The following RNF34 variants were observed in gnomAD, a reference collection of about 807,000 sequenced individuals.
RNF34 encodes E3 ubiquitin-protein ligase RNF34.
Under a neutral mutation model 37.9 loss-of-function variants are expected in RNF34, and 12 were observed. The ratio of observed to expected loss-of-function variants is 0.32; its 90% CI spans 0.20 to 0.51. RNF34 has a LOEUF of 0.51. Ranked by LOEUF, RNF34 falls within the 20% of genes least tolerant of loss-of-function variation. RNF34 has a pLI of 0.97. For synonymous variants in RNF34, 155 were observed against 177.2 expected (o/e 0.87, Z 1.00); for missense variants, 362 against 472.7 (o/e 0.77, Z 2.17).
In RNF34 at chr12:121,417,971, G is replaced by T; in HGVS notation, c.633+60G>T. ...GCACGCTTATTCTTGGCCGTATATGGTGGGGCCTTTAGTGCTTGATGACTT... is the reference window on the plus strand; with the variant it reads ...GCACGCTTATTCTTGGCCGTATATGTTGGGGCCTTTAGTGCTTGATGACTT... On this transcript the variant is annotated intron_variant, in intron 3 of 5. Transcript: ENST00000361234. The surrounding 1 kb of genome is among the most constrained non-coding windows in gnomAD (Gnocchi z 5.0). 6.5e-7 allele frequency: 1 copy of T among 1,533,350 alleles called. No individual in the cohort carries two copies. The highest frequency in any genetic ancestry group is 8.8e-7 in the Non-Finnish European group (1 of 1,130,124). 95.0% of individuals were successfully genotyped at this position (1,533,350 alleles called of 1,614,324 possible). A position where few individuals can be genotyped will look rare whatever the true frequency, so the allele number is the denominator to read the frequency against.
chr12:121,401,419 A>C (rs1215614685), intron 1 of RNF34, among the ~76,000 whole-genome samples: 1 of 150,464 alleles, frequency 6.6e-6, no homozygotes. Context: ...TTCTGGCTAC[A>C]GAAAGCAAGG....
At chr12:121,407,197 G>T (rs564636012) in intron 1 of RNF34, among the ~76,000 whole-genome samples, 1 of 152,318 alleles carries the variant, frequency 6.6e-6, no homozygotes, top group East Asian at 1.9e-4. Context: ...AGGTCCCCAA[G>T]TAGGTCATGA....
chr12:121,402,627 A>T, intron 1 of RNF34: 2 of 598,632 alleles, frequency 3.3e-6, no homozygotes, highest in African/African-American at 1.9e-5. Context: ...TTCCTTATTT[A>T]TATTGATCTC....
At position 121,423,382 on chromosome 12, in the gene RNF34, T is replaced by G. The variant is rs782574942; in HGVS notation, c.929-4T>G. ...CGAGGCCTTAGCTCTCTGTTGCCTT[T>G]CAGATGGCGAGCGGCTGCAGCTGCA... is the stretch of plus-strand genomic sequence containing the variant. On this transcript the variant is annotated splice_region_variant and splice_polypyrimidine_tract_variant and intron_variant, in intron 5 of 5. Transcript: ENST00000361234. This position sits in a 1 kb window ranked among gnomAD's most constrained non-coding sequence, Gnocchi z 4.3. 9 of 1,599,694 alleles carry G rather than the reference T, an allele frequency of 5.6e-6. No individual in the cohort carries two copies. The South Asian group carries it at 1.0e-4, about 18-fold the overall frequency.
chr12:121,401,564 G>A (rs2136888649), intron 1 of RNF34, among the ~76,000 whole-genome samples: 1 of 152,198 alleles, frequency 6.6e-6, no homozygotes, highest in East Asian at 1.9e-4. Flanking sequence ...TCTAGAAGTA[G>A]CTTTATTTCC....
chr12:121,414,379 C>T (rs1871367309), intron 1 of RNF34, among the ~76,000 whole-genome samples: 1 of 152,178 alleles, frequency 6.6e-6, no homozygotes, highest in African/African-American at 2.4e-5. Context: ...CTTTGGCCCT[C>T]GCTGAAAATT....
At chr12:121,407,637 T>C (rs1870672654) in intron 1 of RNF34, among the ~76,000 whole-genome samples, 1 of 152,258 alleles carries the variant, frequency 6.6e-6, no homozygotes, top group Non-Finnish European at 1.5e-5. Flanking sequence ...GCTTCAATCT[T>C]ACTATCAGTA....
intron 1 of RNF34, among the ~76,000 whole-genome samples, chr12:121,412,624 C>A (rs1192222250): frequency 6.6e-6 from 1 of 152,036 alleles, no homozygotes; most frequent in South Asian, 2.1e-4. Context: ...TGTGATCCAC[C>A]CGCCTTGGCC....
intron 5 of RNF34, among the ~76,000 whole-genome samples, chr12:121,421,126 T>C (rs1872088474): frequency 6.6e-6 from 1 of 152,102 alleles, no homozygotes; most frequent in Non-Finnish European, 1.5e-5. Context: ...ACCTTGGTTC[T>C]CTCAACTTTT....
chr12:121,423,844 G>A lies in RNF34; in HGVS notation c.*268G>A, dbSNP rs140213777. On this transcript the variant is annotated 3_prime_UTR_variant, in exon 6 of 6. Transcript: ENST00000361234. The surrounding 1 kb of genome is among the most constrained non-coding windows in gnomAD (Gnocchi z 4.3). ...CACTCATTGAAGTCAGCCTGTTTGC[G>A]CCATGTGGGCATCAGCCACTGCTGT... is the stretch of plus-strand genomic sequence containing the variant. The A allele has an allele frequency of 3.0e-4, 118 of 392,302 alleles. No homozygotes were observed. Among genetic ancestry groups the A allele is most frequent in the Non-Finnish European group, 4.8e-4 (103 of 215,032 alleles). The allele number at this position is 392,302 out of a possible 1,614,324, so 24.3% of individuals were successfully genotyped here.
chr12:121,420,243 T>C lies in RNF34; in HGVS notation c.635T>C (p.Val212Ala). 6.2e-7 allele frequency: 1 copy of C among 1,609,280 alleles called. No homozygotes were observed. The highest frequency in any genetic ancestry group is 8.5e-7 in the Non-Finnish European group (1 of 1,176,634). Residue 212 changes from valine to alanine, a missense_variant and splice_region_variant, in exon 4 of 6, where the codon GTA becomes GCA. Transcript: ENST00000361234. Reference sequence around the variant, plus strand: ...ATCAGATACGTTGTATAAGTGTAGGTACAAAGTGAAATCACTTCAGCAAAC... The same window carrying C: ...ATCAGATACGTTGTATAAGTGTAGGCACAAAGTGAAATCACTTCAGCAAAC... ...QTSRSGVPAQ[V>A]QSEITSANTE... is the part of the protein sequence containing the mutation.
At chr12:121,406,974 T>C (rs976720394) in intron 1 of RNF34, among the ~76,000 whole-genome samples, 2 of 152,216 alleles carry the variant, frequency 1.3e-5, no homozygotes, top group Admixed American at 6.5e-5. Flanking sequence ...CATGGGTATA[T>C]TGAGTGACGC....
chr12:121,417,989 G>T lies in RNF34; in HGVS notation c.633+78G>T. The T allele has an allele frequency of 7.1e-7, 1 of 1,407,484 alleles. No individual in the cohort carries two copies. The highest frequency in any genetic ancestry group is 9.7e-7 in the Non-Finnish European group (1 of 1,029,748). The allele number at this position is 1,407,484 out of a possible 1,614,324, so 87.2% of individuals were successfully genotyped here. ...GTATATGGTGGGGCCTTTAGTGCTT[G>T]ATGACTTCTGATAAACTTCAAGTCA... On this transcript the variant is annotated intron_variant, in intron 3 of 5. Transcript: ENST00000361234. The surrounding 1 kb of genome is among the most constrained non-coding windows in gnomAD (Gnocchi z 5.0).
At position 121,416,158 on chromosome 12, in the gene RNF34, GGCGGGT is replaced by G; in HGVS notation, c.9_14del (p.Gly4_Ala5del). 1 of 1,613,518 alleles carries G rather than the reference GGCGGGT, an allele frequency of 6.2e-7. No homozygotes were observed. Among genetic ancestry groups the G allele is most frequent in the Non-Finnish European group, 8.5e-7 (1 of 1,179,604 alleles). On this transcript the variant is annotated inframe_deletion and splice_region_variant, in exon 2 of 6. Coordinates refer to ENST00000361234, the MANE Select transcript of RNF34 (RefSeq NM_025126.4). ...ACTGTGGGATTTGTGTTCCTTTTTAGGCGGGTGCCACGTCTATGTGGGCTTCGTGCT... is the reference window on the plus strand; with the variant it reads ...ACTGTGGGATTTGTGTTCCTTTTTAGGCCACGTCTATGTGGGCTTCGTGCT...
At chr12:121,418,030 CT>C (rs1246662729) in intron 3 of RNF34, 119 bp downstream of exon 3, 7 of 1,056,444 alleles carry the variant, frequency 6.6e-6, no homozygotes, top group Non-Finnish European at 6.9e-6. Flanking sequence ...TGGAGTGAAG[CT>C]TCCACACCCA....
At chr12:121,414,698 A>T (rs759714259) in intron 1 of RNF34, among the ~76,000 whole-genome samples, 10 of 151,854 alleles carry the variant, frequency 6.6e-5, no homozygotes, top group Non-Finnish European at 1.2e-4. Flanking sequence ...TTCGAGATGG[A>T]CTCTCGCTCT....
chr12:121,408,087 CT>C (rs1870720119), intron 1 of RNF34, among the ~76,000 whole-genome samples: 1 of 152,154 alleles, frequency 6.6e-6, no homozygotes, highest in Admixed American at 6.5e-5. Flanking sequence ...AGAAGGATCC[CT>C]TGAGCCCTGG....
intron 4 of RNF34, 98 bp downstream of exon 4, chr12:121,420,432 T>C: frequency 6.4e-7 from 1 of 1,552,260 alleles, no homozygotes; most frequent in Non-Finnish European, 8.7e-7. Context: ...AGGATGTTTC[T>C]TCTGGTTTGA....
intron 1 of RNF34, among the ~76,000 whole-genome samples, chr12:121,400,698 C>T (rs1461221759): frequency 6.6e-6 from 1 of 152,124 alleles, no homozygotes; most frequent in African/African-American, 2.4e-5. Flanking sequence ...TTAAAGAACT[C>T]TCAGGGTGGG....
Sources: gnomAD v4.1 joint callset for allele counts (sites outside exome capture counted in the v4.1 genomes callset) on GRCh38, gnomAD v4.1.1 for gene constraint, Gnocchi (gnomAD v3.1) non-coding constraint, MANE v1.5 for transcripts, NCBI Gene and HGNC (gene_info 2026-07-23, HGNC 2026-07-21) for gene names.